The following ARHGEF26 variants were observed in gnomAD, a reference collection of about 807,000 sequenced individuals.
ARHGEF26 encodes Rho guanine nucleotide exchange factor 26.
ARHGEF26 carries 59 observed loss-of-function variants against 89.4 expected under a neutral mutation model. That is an observed-to-expected ratio of 0.66 (90% confidence interval 0.54 to 0.82). ARHGEF26 has a LOEUF of 0.82. ARHGEF26 is among the 40% of genes least tolerant of loss of function. The probability of loss-of-function intolerance (pLI) is 0.00; values close to 1 mark genes in which losing one functional copy is unlikely to be tolerated. For synonymous variants in ARHGEF26, 500 were observed against 428.4 expected, an observed-to-expected ratio of 1.17 and a Z score of -2.06; for missense variants, 1,234 against 1,085.6, an observed-to-expected ratio of 1.14 and a Z score of -1.92.
rs372796679 is a variant in ARHGEF26 at position 154,210,559 on chromosome 3, C to T, written c.1846-7310C>T. Among the ~76,000 whole-genome samples the T allele has an allele frequency of 9.3e-5, 14 of 151,178 alleles. 2 individuals are homozygous for T. The highest frequency in any genetic ancestry group is 2.0e-4 in the East Asian group (1 of 4,882). On this transcript the variant is annotated intron_variant, in intron 9 of 14. Transcript: ENST00000465093. ...CAAACTCCTGGCCTCAAGTGATCTG[C>T]CCACCTCGGCCTCCCAAAATGCTGG...
At chr3:154,248,908 A>G (rs1019507382) in intron 12 of ARHGEF26, among the ~76,000 whole-genome samples, 1 of 152,098 alleles carries the variant, frequency 6.6e-6, no homozygotes, top group Non-Finnish European at 1.5e-5. Flanking sequence ...GCTTTCTTTC[A>G]TGGATCAGTT....
intron 9 of ARHGEF26, among the ~76,000 whole-genome samples, chr3:154,206,722 A>T (rs1216872578): frequency 6.6e-6 from 1 of 152,226 alleles, no homozygotes; most frequent in African/African-American, 2.4e-5. Flanking sequence ...TTTTATTATT[A>T]AACTGCCATT....
intron 4 of ARHGEF26, among the ~76,000 whole-genome samples, chr3:154,134,481 C>T (rs1168916729): frequency 2.0e-5 from 3 of 152,164 alleles, no homozygotes; most frequent in Non-Finnish European, 4.4e-5. Context: ...GTGAGACTTA[C>T]TCACTATCAT....
In ARHGEF26 at chr3:154,174,839, A is replaced by C. The variant is rs549696246; in HGVS notation, c.1488-12846A>C. 3.1e-4 allele frequency among the ~76,000 whole-genome samples: 47 copies of C among 152,292 alleles called. 1 individual carries two copies. Among genetic ancestry groups the C allele is most frequent in the African/African-American group, 1.1e-3 (46 of 41,586 alleles). On this transcript the variant is annotated intron_variant, in intron 6 of 14. Coordinates refer to ENST00000465093, the MANE Select transcript of ARHGEF26 (RefSeq NM_015595.4). ...ATACTCATTTTTTTTTCTGAATTAAAAAATAGTTAAGAAATTTGAGTTGGC... is the reference window on the plus strand; with the variant it reads ...ATACTCATTTTTTTTTCTGAATTAACAAATAGTTAAGAAATTTGAGTTGGC...
At chr3:154,132,834 T>C (rs1718769340) in intron 4 of ARHGEF26, among the ~76,000 whole-genome samples, 1 of 152,128 alleles carries the variant, frequency 6.6e-6, no homozygotes, top group African/African-American at 2.4e-5. Context: ...AAAATCATCC[T>C]TCCATGCTTA....
In ARHGEF26 at chr3:154,149,398, A is replaced by G. The variant is rs1444302637; in HGVS notation, c.1279A>G (p.Lys427Glu). Residue 427 changes from lysine to glutamate, a missense_variant, in exon 5 of 15, where the codon AAG becomes GAG. Lys to Glu is a moderately conservative substitution (Grantham distance 56, BLOSUM62 1). Coordinates refer to ENST00000465093, the MANE Select transcript of ARHGEF26 (RefSeq NM_015595.4). ...TTGCTTTTTCTCCTAGGTGAAAAGAAAGGGATTATCTCAGACAGTAAGCCA... is the reference window on the plus strand; with the variant it reads ...TTGCTTTTTCTCCTAGGTGAAAAGAGAGGGATTATCTCAGACAGTAAGCCA... ...TWSQLSAVKR[K>E]GLSQTVSQEE... 1.2e-6 allele frequency: 2 copies of G among 1,606,348 alleles called. No homozygotes were observed. Among genetic ancestry groups the G allele is most frequent in the African/African-American group, 2.7e-5 (2 of 74,840 alleles).
At position 154,208,763 on chromosome 3, in the gene ARHGEF26, A is replaced by ATT. The variant is rs35181733; in HGVS notation, c.1846-9087_1846-9086dup. Reference sequence around the variant, plus strand: ...GTGCAGTATTCAGTATGCCAATTGCATTTTTTTTTTTTTTTTTTTTGAGAT... The same window carrying ATT: ...GTGCAGTATTCAGTATGCCAATTGCATTTTTTTTTTTTTTTTTTTTTTGAGAT... On this transcript the variant is annotated intron_variant, in intron 9 of 14. Transcript: ENST00000465093. 9.8e-3 allele frequency among the ~76,000 whole-genome samples: 1,050 copies of ATT among 107,342 alleles called. 40 individuals are homozygous for ATT. Among genetic ancestry groups the ATT allele is most frequent in the African/African-American group, 0.018 (488 of 26,940 alleles). The allele number at this position is 107,342 out of a possible 152,430, so 70.4% of individuals were successfully genotyped here.
Position 154,163,712 on chromosome 3 carries a change from C to T in ARHGEF26, c.1487+10780C>T, listed in dbSNP as rs1711807015. ...TGTTTTCTGTGGCACAGCTCTGTGG[C>T]ACATCATAAAGGTCATTGTCTTATT... On this transcript the variant is annotated intron_variant, in intron 6 of 14. Transcript: ENST00000465093. Among the ~76,000 whole-genome samples, 5 of 152,230 alleles carry T rather than the reference C, an allele frequency of 3.3e-5. No individual in the cohort carries two copies. In the South Asian group the frequency reaches 8.3e-4, roughly 25 times the overall value.
intron 4 of ARHGEF26, among the ~76,000 whole-genome samples, chr3:154,137,487 C>T (rs187101581): frequency 1.1e-3 from 172 of 152,240 alleles, no homozygotes; most frequent in Admixed American, 4.4e-3. Context: ...CACCCCAAAA[C>T]GGACTAAGAC....
At position 154,199,276 on chromosome 3, in the gene ARHGEF26, A is replaced by T. The variant is rs548857535; in HGVS notation, c.1845+4558A>T. ...TCTCTATGTCCATGAGTTCATTTTTAAAAAAAATTTTTAAATCCCAAAAAT... is the reference window on the plus strand; with the variant it reads ...TCTCTATGTCCATGAGTTCATTTTTTAAAAAAATTTTTAAATCCCAAAAAT... On this transcript the variant is annotated intron_variant, in intron 9 of 14. Transcript: ENST00000465093. Among the ~76,000 whole-genome samples the T allele has an allele frequency of 1.6e-4, 24 of 151,896 alleles. No individual in the cohort carries two copies. The Middle Eastern group carries it at 0.01, about 65-fold the overall frequency.
At chr3:154,132,531 A>G (rs925212860) in intron 4 of ARHGEF26, among the ~76,000 whole-genome samples, 1 of 152,116 alleles carries the variant, frequency 6.6e-6, no homozygotes, top group African/African-American at 2.4e-5. Context: ...ATCTGCTACT[A>G]AATTTTCAAG....
In ARHGEF26 at chr3:154,129,726, G is replaced by A. The variant is rs1718563639; in HGVS notation, c.1269+7G>A. The A allele has an allele frequency of 2.5e-6, 4 of 1,603,320 alleles. No individual in the cohort carries two copies. The highest frequency in any genetic ancestry group is 3.4e-6 in the Non-Finnish European group (4 of 1,174,734). On this transcript the variant is annotated splice_region_variant and intron_variant, in intron 4 of 14. Transcript: ENST00000465093. ...ATGGAGCCAACTCTCTGCGGTGAGT[G>A]TTTATCTTCTTTTCTATCTGTGGTA...
chr3:154,137,377 A>G (rs1719072888), intron 4 of ARHGEF26, among the ~76,000 whole-genome samples: 1 of 152,186 alleles, frequency 6.6e-6, no homozygotes, highest in African/African-American at 2.4e-5. Flanking sequence ...GGCTCTCACC[A>G]AATGTAGCCC....
chr3:154,225,713 A>C, intron 10 of ARHGEF26, 143 bp from the exon 11 acceptor site: 1 of 739,382 alleles, frequency 1.4e-6, no homozygotes, highest in Non-Finnish European at 2.0e-6. Flanking sequence ...CTGTATTTAT[A>C]GTTCAGTTTT....
chr3:154,149,449 T>C lies in ARHGEF26; in HGVS notation c.1326+4T>C, dbSNP rs763558074. On this transcript the variant is annotated splice_donor_region_variant and intron_variant, in intron 5 of 14. Coordinates refer to ENST00000465093, the MANE Select transcript of ARHGEF26 (RefSeq NM_015595.4). ...GGAGGAAAGAAAGAGACAAGAGGTA[T>C]GTTTCTACCGAGCAGCTGCTTTAGA... 1.2e-6 allele frequency: 2 copies of C among 1,605,460 alleles called. No homozygotes were observed. Among genetic ancestry groups the C allele is most frequent in the Non-Finnish European group, 8.5e-7 (1 of 1,175,502 alleles).
chr3:154,243,871 CTA>C (rs1387399789), intron 12 of ARHGEF26, among the ~76,000 whole-genome samples: 2 of 151,384 alleles, frequency 1.3e-5, no homozygotes, highest in African/African-American at 4.9e-5. Context: ...ATAAAAAAGA[CTA>C]TTAAAAAACC....
At chr3:154,184,110 C>T (rs1156323005) in intron 6 of ARHGEF26, among the ~76,000 whole-genome samples, 1 of 151,854 alleles carries the variant, frequency 6.6e-6, no homozygotes, top group East Asian at 1.9e-4. Flanking sequence ...GTAGCTGGGA[C>T]TACAGGCGTC....
rs1715720379 is a variant in ARHGEF26 at position 154,216,291 on chromosome 3, G to A, written c.1846-1578G>A. Among the ~76,000 whole-genome samples, 11 of 151,272 alleles carry A rather than the reference G, an allele frequency of 7.3e-5. No homozygotes were observed. In the South Asian group the frequency reaches 2.1e-3, roughly 29 times the overall value. On this transcript the variant is annotated intron_variant, in intron 9 of 14. Coordinates refer to ENST00000465093, the MANE Select transcript of ARHGEF26 (RefSeq NM_015595.4). The stretch of plus-strand genomic sequence containing the variant: ...ATACTTGAGATGCAAAATTTGTTTT[G>A]ATTTAGACCAGTGAATTAAGATTAG...
intron 11 of ARHGEF26, among the ~76,000 whole-genome samples, chr3:154,230,438 A>T (rs1716764328): frequency 6.6e-6 from 1 of 152,126 alleles, no homozygotes; most frequent in Admixed American, 6.5e-5. Flanking sequence ...AGAATATTTC[A>T]CTTTTCCCCT....
Sources: allele counts gnomAD v4.1 joint callset (sites outside exome capture counted in the v4.1 genomes callset), GRCh38; gene constraint gnomAD v4.1.1; transcripts MANE v1.5; gene names NCBI Gene and HGNC (gene_info 2026-07-23, HGNC 2026-07-21).